Variants in EEF2K observed in about 807,000 individuals in gnomAD.
EEF2K encodes the protein alternative protein EEF2K.
EEF2K carries 70 observed loss-of-function variants against 93.8 expected under a neutral mutation model. That is an observed-to-expected ratio of 0.75 (90% confidence interval 0.62 to 0.91). The LOEUF (loss-of-function observed/expected upper bound fraction) is 0.91, where lower values mean the gene tolerates loss of function less well. EEF2K is among the 40% of genes least tolerant of loss of function. EEF2K has a pLI of 0.00. For missense variants in EEF2K, 935 were observed against 972.9 expected, an observed-to-expected ratio of 0.96 and a Z score of 0.52; for synonymous variants, 376 against 380.8, an observed-to-expected ratio of 0.99 and a Z score of 0.15.
intron 5 of EEF2K, among the ~76,000 whole-genome samples, 179 bp from the exon 6 acceptor site, chr16:22,250,954 AGTGACCTTTAATCCCCCT>A (rs2047343847): frequency 6.6e-6 from 1 of 152,134 alleles, no homozygotes; most frequent in African/African-American, 2.4e-5. Context: ...GACCTTTAAC[AGTGACCTTTAATCCCCCT>A]GTCCCAGCTC....
intron 17 of EEF2K, among the ~76,000 whole-genome samples, chr16:22,283,176 G>T (rs905265036): frequency 6.6e-6 from 1 of 151,862 alleles, no homozygotes; most frequent in Non-Finnish European, 1.5e-5. Context: ...GGGCGTGGTG[G>T]CAGGTGCCTG....
chr16:22,249,300 G>GA (rs966573894), intron 4 of EEF2K, among the ~76,000 whole-genome samples: 167 of 126,798 alleles, frequency 1.3e-3, no homozygotes, highest in East Asian at 2.0e-3. Flanking sequence ...GGCTTTTGAA[G>GA]AAAAAAAAAA....
intron 3 of EEF2K, 120 bp from the exon 4 acceptor site, chr16:22,248,635 G>T: frequency 8.2e-7 from 1 of 1,218,718 alleles, no homozygotes; most frequent in Non-Finnish European, 1.2e-6. Flanking sequence ...TATGGGCCAA[G>T]GTGGAGAGTG....
intron 1 of EEF2K, among the ~76,000 whole-genome samples, chr16:22,213,362 C>T (rs2046932966): frequency 6.6e-6 from 1 of 152,202 alleles, no homozygotes; most frequent in African/African-American, 2.4e-5. Flanking sequence ...GCCGGACCTT[C>T]TTCACTGCAG....
intron 2 of EEF2K, among the ~76,000 whole-genome samples, chr16:22,233,899 G>T (rs2047141035): frequency 1.3e-5 from 2 of 152,166 alleles, no homozygotes. Flanking sequence ...CCACAGGCAT[G>T]CACCACCATG....
rs531449483 is a variant in EEF2K at position 22,245,822 on chromosome 16, C to A, written c.347+1092C>A. ...TTTAACCTACTGTACCCTTACAACACAGAATGCTTCTGTGAGCTCAAAATG... is the reference window on the plus strand; with the variant it reads ...TTTAACCTACTGTACCCTTACAACAAAGAATGCTTCTGTGAGCTCAAAATG... On this transcript the variant is annotated intron_variant, in intron 3 of 17. Coordinates refer to ENST00000263026, the MANE Select transcript of EEF2K (RefSeq NM_013302.5). Among the ~76,000 whole-genome samples, 3 of 152,288 alleles carry A rather than the reference C, an allele frequency of 2.0e-5. No homozygotes were observed. The East Asian group carries it at 5.8e-4, about 29-fold the overall frequency.
intron 10 of EEF2K, among the ~76,000 whole-genome samples, chr16:22,260,001 C>T (rs1342156214): frequency 1.3e-5 from 2 of 152,176 alleles, no homozygotes; most frequent in Non-Finnish European, 2.9e-5. Context: ...GATCCACCTG[C>T]CTCGGCCTCC....
chr16:22,225,858 G>A lies in EEF2K; in HGVS notation c.129G>A (p.Thr43=), dbSNP rs748395567. 5.0e-6 allele frequency: 8 copies of A among 1,614,074 alleles called. No homozygotes were observed. Among genetic ancestry groups the A allele is most frequent in the East Asian group, 2.2e-5 (1 of 44,902 alleles). Residue 43 remains threonine, a synonymous_variant, in exon 2 of 18, where the codon ACG becomes ACA. Coordinates refer to ENST00000263026, the MANE Select transcript of EEF2K (RefSeq NM_013302.5). The part of the protein sequence containing the change: ...DEEGYFICPI[T]DDPSSNQNVN... ...AAGGTTACTTCATCTGCCCCATCAC[G>A]GATGACCCAAGCTCGAACCAGAATG...
intron 10 of EEF2K, among the ~76,000 whole-genome samples, chr16:22,259,907 C>A (rs531485210): frequency 4.3e-4 from 66 of 152,218 alleles, no homozygotes; most frequent in African/African-American, 1.5e-3. Context: ...TGCATGCCAC[C>A]ATACCCAGCT....
At chr16:22,221,474 T>C (rs2047010760) in intron 1 of EEF2K, among the ~76,000 whole-genome samples, 1 of 150,376 alleles carries the variant, frequency 6.6e-6, no homozygotes, top group Non-Finnish European at 1.5e-5. Flanking sequence ...AAAAATAACA[T>C]TTAAAAAAAA....
intron 8 of EEF2K, 126 bp from the exon 9 acceptor site, chr16:22,257,516 TG>T: frequency 6.5e-7 from 1 of 1,545,380 alleles, no homozygotes; most frequent in Non-Finnish European, 8.7e-7. Flanking sequence ...GATGGGAGCC[TG>T]GATGTCTGAT....
chr16:22,254,327 G>A (rs945114437), intron 6 of EEF2K, among the ~76,000 whole-genome samples: 3 of 152,038 alleles, frequency 2.0e-5, no homozygotes, highest in African/African-American at 4.8e-5. Context: ...GAGAACCGCC[G>A]CTCCCTGCCT....
chr16:22,225,385 A>T (rs939897510), intron 1 of EEF2K, among the ~76,000 whole-genome samples: 1 of 152,226 alleles, frequency 6.6e-6, no homozygotes, highest in Non-Finnish European at 1.5e-5. Flanking sequence ...TGCTAAAAAG[A>T]GCACTCTGCT....
intron 16 of EEF2K, among the ~76,000 whole-genome samples, chr16:22,279,928 G>A (rs1406347665): frequency 9.9e-5 from 15 of 152,124 alleles, no homozygotes; most frequent in Admixed American, 2.6e-4. Context: ...CTTGAGAGGC[G>A]GAGGCTGCAG....
rs768192404 is a variant in EEF2K, at chr16:22,280,224, A to C, written c.1916A>C (p.His639Pro). The C allele has an allele frequency of 1.3e-6, 2 of 1,571,010 alleles. No individual in the cohort carries two copies. The highest frequency in any genetic ancestry group is 1.7e-6 in the Non-Finnish European group (2 of 1,159,158). Residue 639 changes from histidine to proline, a missense_variant, in exon 17 of 18, where the codon CAC becomes CCC. Transcript: ENST00000263026. The part of the protein sequence containing the change: ...DRCQDWLEAL[H>P]WYNTALEMTD... ...TGCCAAGACTGGCTAGAGGCCCTGCACTGGTACAACACTGCCCTGGAGATG... is the reference window on the plus strand; with the variant it reads ...TGCCAAGACTGGCTAGAGGCCCTGCCCTGGTACAACACTGCCCTGGAGATG...
intron 1 of EEF2K, among the ~76,000 whole-genome samples, chr16:22,220,487 G>A (rs2047001189): frequency 6.6e-6 from 1 of 151,772 alleles, no homozygotes; most frequent in South Asian, 2.1e-4. Flanking sequence ...GTCTTGCTCT[G>A]TTGCCCAGGC....
At chr16:22,254,948 G>A (rs1340334557) in intron 6 of EEF2K, among the ~76,000 whole-genome samples, 1 of 152,146 alleles carries the variant, frequency 6.6e-6, no homozygotes, top group Non-Finnish European at 1.5e-5. Context: ...GCGGGTGCCT[G>A]TAGTCCCAGC....
chr16:22,276,170 T>A (rs1017666338), intron 16 of EEF2K, among the ~76,000 whole-genome samples: 3 of 150,362 alleles, frequency 2.0e-5, no homozygotes, highest in Admixed American at 1.3e-4. Context: ...GGTCTCAAAC[T>A]CCTGGCCTCA....
At chr16:22,281,059 T>G (rs2047688611) in intron 17 of EEF2K, among the ~76,000 whole-genome samples, 1 of 151,850 alleles carries the variant, frequency 6.6e-6, no homozygotes, top group Non-Finnish European at 1.5e-5. Flanking sequence ...CTCAGCCTCC[T>G]GCATAGCTGG....
Sources: allele counts gnomAD v4.1 joint callset (sites outside exome capture counted in the v4.1 genomes callset), GRCh38; gene constraint gnomAD v4.1.1; transcripts MANE v1.5; gene names NCBI Gene and HGNC (gene_info 2026-07-23, HGNC 2026-07-21).